LARP4: variants seen among roughly 807,000 people sequenced by gnomAD.
The protein encoded by LARP4 is la-related protein 4.
LARP4 carries 29 observed loss-of-function variants against 92.9 expected under a neutral mutation model. The ratio of observed to expected loss-of-function variants is 0.31; its 90% CI spans 0.23 to 0.43. The LOEUF (loss-of-function observed/expected upper bound fraction) is 0.43, where lower values mean the gene tolerates loss of function less well. Among genes scored for constraint, LARP4 ranks in the 20% least tolerant of loss-of-function variants. LARP4 has a pLI of 1.00. For missense variants in LARP4, 732 were observed against 860.0 expected (o/e 0.85, Z 1.86); for synonymous variants, 279 against 284.1 (o/e 0.98, Z 0.18).
intron 8 of LARP4, among the ~76,000 whole-genome samples, chr12:50,447,894 G>A (rs1952481723): frequency 6.6e-6 from 1 of 151,972 alleles, no homozygotes; most frequent in African/African-American, 2.4e-5. Context: ...TTGAGACGGA[G>A]TCTTGCCGTG....
rs548957707 is a variant in LARP4, at chr12:50,478,573, C to T, written c.*2709C>T. 5.3e-5 allele frequency: 8 copies of T among 151,948 alleles called. No homozygotes were observed. Among genetic ancestry groups the T allele is most frequent in the African/African-American group, 1.9e-4 (8 of 41,480 alleles). 9.4% of individuals were successfully genotyped at this position (151,948 alleles called of 1,614,324 possible). On this transcript the variant is annotated 3_prime_UTR_variant, in exon 16 of 16. Transcript: ENST00000398473. ...CTTCACCTTTATGACTTGACATTTC[C>T]TTGATCTGTTGGAGGCTAAAAGTAG... is the stretch of plus-strand genomic sequence containing the variant.
At position 50,454,364 on chromosome 12, in the gene LARP4, T is replaced by G. The variant is rs780831230; in HGVS notation, c.1068T>G (p.Ser356=). 9 of 1,613,712 alleles carry G rather than the reference T, an allele frequency of 5.6e-6. No individual in the cohort carries two copies. Among genetic ancestry groups the G allele is most frequent in the Middle Eastern group, 1.7e-4 (1 of 6,050 alleles). The change falls in exon 10 of 16, where the codon TCT becomes TCG. Residue 356 remains serine (S), a synonymous_variant. Transcript: ENST00000398473. ...SFVNGFNSPG[S]YKTNAAAMNM... is the part of the protein sequence containing the mutation. ...TGAATGGCTTTAATTCGCCAGGATCTTATAAAACAAATGCTGCTGCTATGA... is the reference window on the plus strand; with the variant it reads ...TGAATGGCTTTAATTCGCCAGGATCGTATAAAACAAATGCTGCTGCTATGA...
At chr12:50,442,639 T>A (rs577682601) in intron 8 of LARP4, among the ~76,000 whole-genome samples, 1 of 152,362 alleles carries the variant, frequency 6.6e-6, no homozygotes, top group East Asian at 1.9e-4. Flanking sequence ...AATCCCTCTG[T>A]GTTGAACTCT....
At chr12:50,419,365 A>C (rs1947361270) in intron 1 of LARP4, among the ~76,000 whole-genome samples, 1 of 152,098 alleles carries the variant, frequency 6.6e-6, no homozygotes, top group South Asian at 2.1e-4. Flanking sequence ...ACCCTGTCTC[A>C]AAACAGGTAG....
Position 50,475,706 on chromosome 12 carries a change from A to G in LARP4, c.2017A>G (p.Ser673Gly), listed in dbSNP as rs760370223. 4 of 1,614,188 alleles carry G rather than the reference A, an allele frequency of 2.5e-6. No individual in the cohort carries two copies. In the Admixed American group the frequency reaches 6.7e-5, roughly 27 times the overall value. ...ACATGAGAAGCCAGAAGCAAGGGCT[A>G]GTAAGGATTATTCTGGCTTCCGAGG... is the stretch of plus-strand genomic sequence containing the variant. ...KPHEKPEARA[S>G]KDYSGFRGNI... Residue 673 changes from serine (S) to glycine (G), a missense_variant, in exon 16 of 16, where the codon AGT becomes GGT. Ser to Gly is a moderately conservative substitution (Grantham distance 56). Around this residue, in one of 7 missense-constraint regions of LARP4, gnomAD observed 115 missense variants for 129.1 expected, o/e 0.89. Transcript: ENST00000398473.
intron 1 of LARP4, chr12:50,421,370 G>A (rs1033417821): frequency 2.5e-6 from 2 of 793,594 alleles, no homozygotes; most frequent in Non-Finnish European, 1.5e-6. Flanking sequence ...TAGGCTGGGT[G>A]CAGCGGCTCA....
At chr12:50,442,487 C>T (rs563997257) in intron 8 of LARP4, among the ~76,000 whole-genome samples, 2 of 152,220 alleles carry the variant, frequency 1.3e-5, no homozygotes, top group African/African-American at 2.4e-5. Context: ...TTTTTCCCCC[C>T]CTTAACAATC....
intron 10 of LARP4, among the ~76,000 whole-genome samples, chr12:50,457,711 G>C (rs993632335): frequency 6.6e-6 from 1 of 151,630 alleles, no homozygotes; most frequent in Admixed American, 6.6e-5. Context: ...CTACTTGGGA[G>C]ACTGAGGTGG....
chr12:50,427,993 C>CT (rs781256448), intron 2 of LARP4, 84 bp downstream of exon 2: 184,768 of 305,426 alleles, frequency 0.6, 51,913 homozygotes, highest in African/African-American at 0.76. Flanking sequence ...AGACACATCT[C>CT]TTTTTTTTTT....
intron 13 of LARP4, among the ~76,000 whole-genome samples, chr12:50,471,264 G>T (rs1427777914): frequency 6.6e-6 from 1 of 152,200 alleles, no homozygotes. Context: ...ATAAAACGGG[G>T]TGCCTGTTTT....
chr12:50,470,235 C>T (rs1219536755), intron 13 of LARP4, among the ~76,000 whole-genome samples: 1 of 151,280 alleles, frequency 6.6e-6, no homozygotes, highest in African/African-American at 2.4e-5. Flanking sequence ...AAAAAAAAGA[C>T]TATCTTTAAT....
rs757597872 is a variant in LARP4, at chr12:50,430,540, T to C, written c.368T>C (p.Leu123Pro). 1 of 1,607,214 alleles carries C rather than the reference T, an allele frequency of 6.2e-7. No individual in the cohort carries two copies. Among genetic ancestry groups the C allele is most frequent in the Non-Finnish European group, 8.5e-7 (1 of 1,175,134 alleles). The change falls in exon 4 of 16, where the codon CTG becomes CCG. Residue 123 changes from leucine (L) to proline (P), a missense_variant. Around this residue, in one of 7 missense-constraint regions of LARP4, gnomAD observed 236 missense variants for 307.6 expected, o/e 0.77. Coordinates refer to ENST00000398473, the MANE Select transcript of LARP4 (RefSeq NM_052879.5). ...AVSTEDLKEC[L>P]KKQLEFCFSR... ...TCTACAGAAGACCTAAAAGAATGTC[T>C]GAAGAAACAATTAGAATTCTGTTTT...
At chr12:50,410,508 C>T (rs1171879714) in intron 1 of LARP4, among the ~76,000 whole-genome samples, 1 of 151,368 alleles carries the variant, frequency 6.6e-6, no homozygotes, top group African/African-American at 2.4e-5. Flanking sequence ...TGGGTTCACG[C>T]CATTCTCCTG....
At chr12:50,437,669 C>A in intron 5 of LARP4, 66 bp from the exon 6 acceptor site, 5 of 891,708 alleles carry the variant, frequency 5.6e-6, no homozygotes, top group Non-Finnish European at 7.1e-6. Flanking sequence ...TGAATAGTTT[C>A]TTTAATGGCA....
chr12:50,427,625 ATAT>A (rs1269818524), intron 1 of LARP4, 134 bp from the exon 2 acceptor site: 3 of 422,690 alleles, frequency 7.1e-6, no homozygotes, highest in Non-Finnish European at 1.2e-5. Flanking sequence ...CAAAACTTTA[ATAT>A]TATTTATTAT....
At chr12:50,402,544 C>G in intron 1 of LARP4, 3 of 241,890 alleles carry the variant, frequency 1.2e-5, no homozygotes, top group East Asian at 2.7e-4. Flanking sequence ...GACAGGAACT[C>G]CACAATATAC....
intron 1 of LARP4, among the ~76,000 whole-genome samples, chr12:50,406,838 T>G (rs1043141701): frequency 4.0e-5 from 6 of 151,172 alleles, no homozygotes; most frequent in African/African-American, 1.5e-4. Flanking sequence ...CACCTCAACC[T>G]CCCCAGTATA....
chr12:50,440,552 A>T lies in LARP4; in HGVS notation c.750+3A>T. ...AGTCAGACACAGATGCACAACAGGT[A>T]AGAAGAAAACATTTTCTGATACAAG... is the stretch of plus-strand genomic sequence containing the variant. On this transcript the variant is annotated splice_donor_region_variant and intron_variant, in intron 7 of 15. Coordinates refer to ENST00000398473, the MANE Select transcript of LARP4 (RefSeq NM_052879.5). 7 of 1,592,622 alleles carry T rather than the reference A, an allele frequency of 4.4e-6. No homozygotes were observed. Among genetic ancestry groups the T allele is most frequent in the Non-Finnish European group, 6.0e-6 (7 of 1,161,252 alleles).
intron 1 of LARP4, among the ~76,000 whole-genome samples, chr12:50,422,291 T>G (rs1947934933): frequency 6.6e-6 from 1 of 152,102 alleles, no homozygotes; most frequent in Admixed American, 6.6e-5. Flanking sequence ...GTAGGGGAGA[T>G]GATACATATA....
Sources: gnomAD v4.1 joint callset for allele counts (sites outside exome capture counted in the v4.1 genomes callset) on GRCh38, gnomAD v4.1.1 for gene constraint, gnomAD v4.1.1 regional missense constraint, MANE v1.5 for transcripts, NCBI Gene and HGNC (gene_info 2026-07-23, HGNC 2026-07-21) for gene names.